RAPGEF2: variants seen among roughly 807,000 people sequenced by gnomAD.
The protein encoded by RAPGEF2 is PDZ domain containing guanine nucleotide exchange factor (GEF) 1.
In RAPGEF2, 54 loss-of-function variants were observed where a neutral mutation model predicts 186.7. The observed-to-expected ratio is 0.29, with a 90% CI of 0.23 to 0.36. RAPGEF2 has a LOEUF of 0.36. Among genes scored for constraint, RAPGEF2 ranks in the 10% least tolerant of loss-of-function variants. The pLI, the probability that RAPGEF2 is intolerant of heterozygous loss-of-function variation, is 1.00. For synonymous variants in RAPGEF2, 712 were observed against 705.9 expected, an observed-to-expected ratio of 1.01 and a Z score of -0.14; for missense variants, 1,532 against 2,045.0, an observed-to-expected ratio of 0.75 and a Z score of 4.84.
At chr4:159,225,794 G>A (rs1751974932) in intron 4 of RAPGEF2, among the ~76,000 whole-genome samples, 1 of 152,094 alleles carries the variant, frequency 6.6e-6, no homozygotes, top group Admixed American at 6.5e-5. Flanking sequence ...CAAAGTGTCA[G>A]TTCACCTCTT....
chr4:159,248,683 G>T (rs747518456), intron 7 of RAPGEF2, among the ~76,000 whole-genome samples: 3 of 152,148 alleles, frequency 2.0e-5, no homozygotes, highest in African/African-American at 7.2e-5. Flanking sequence ...AGGTATTTAC[G>T]TTGATTTAAT....
intron 7 of RAPGEF2, among the ~76,000 whole-genome samples, chr4:159,292,816 T>C (rs1761413759): frequency 6.6e-6 from 1 of 152,138 alleles, no homozygotes; most frequent in Non-Finnish European, 1.5e-5. Flanking sequence ...TCATAGAATA[T>C]TTGTGTCTTG....
chr4:159,355,913 C>T lies in RAPGEF2; in HGVS notation c.4712C>T (p.Pro1571Leu). The T allele has an allele frequency of 1.0e-6, 1 of 1,000,314 alleles. No homozygotes were observed. Among genetic ancestry groups the T allele is most frequent in the Non-Finnish European group, 1.4e-6 (1 of 705,456 alleles). 62.0% of individuals were successfully genotyped at this position (1,000,314 alleles called of 1,614,324 possible). A position where few individuals can be genotyped will look rare whatever the true frequency, so the allele number is the denominator to read the frequency against. Reference sequence around the variant, plus strand: ...ACCCCTCCCGGCTACATTGGAATTCCCATTACTGACTTTCCAGAAGGGCAC... The same window carrying T: ...ACCCCTCCCGGCTACATTGGAATTCTCATTACTGACTTTCCAGAAGGGCAC... ...PPTPPGYIGI[P>L]ITDFPEGHSH... is the part of the protein sequence containing the mutation. The change falls in exon 29 of 30, where the codon CCC becomes CTC. Residue 1571 changes from proline (P) to leucine (L), a missense_variant. By Grantham distance (98) the Pro-to-Leu change is moderately conservative. Transcript: ENST00000691494.
chr4:159,120,520 G>T (rs1469043138), intron 1 of RAPGEF2, among the ~76,000 whole-genome samples: 3 of 152,170 alleles, frequency 2.0e-5, no homozygotes, highest in African/African-American at 7.2e-5. Flanking sequence ...CTTAGGACAT[G>T]ATGTGTTACA....
Position 159,159,799 on chromosome 4 carries a change from C to T in RAPGEF2, c.70-26843C>T, listed in dbSNP as rs554670716. 1.7e-4 allele frequency among the ~76,000 whole-genome samples: 26 copies of T among 152,324 alleles called. No homozygotes were observed. The East Asian group carries it at 1.7e-3, about 10-fold the overall frequency. On this transcript the variant is annotated intron_variant, in intron 1 of 29. Coordinates refer to ENST00000691494, the MANE Select transcript of RAPGEF2 (RefSeq NM_001394067.2). ...AGTGTGAACAATAGTGTTCTCAACT[C>T]GTATAGCAGCATCCTATTTATAGAT...
At chr4:159,146,861 C>A (rs1743009976) in intron 1 of RAPGEF2, among the ~76,000 whole-genome samples, 1 of 152,182 alleles carries the variant, frequency 6.6e-6, no homozygotes, top group Non-Finnish European at 1.5e-5. Flanking sequence ...GAAGGAAAGA[C>A]CTCATACTGT....
intron 7 of RAPGEF2, among the ~76,000 whole-genome samples, chr4:159,278,601 C>G (rs1023538785): frequency 1.3e-5 from 2 of 152,176 alleles, no homozygotes; most frequent in African/African-American, 4.8e-5. Context: ...AAACTATAAT[C>G]TGGCCAGTTG....
intron 17 of RAPGEF2, among the ~76,000 whole-genome samples, chr4:159,333,313 C>T (rs1766959435): frequency 1.3e-5 from 2 of 152,110 alleles, no homozygotes; most frequent in South Asian, 4.1e-4. Context: ...GTGTTTGCCT[C>T]CTGTCTCCTC....
At chr4:159,116,876 GT>G (rs1190122854) in intron 1 of RAPGEF2, among the ~76,000 whole-genome samples, 4 of 152,130 alleles carry the variant, frequency 2.6e-5, no homozygotes, top group Non-Finnish European at 5.9e-5. Flanking sequence ...ACTGGGGCCT[GT>G]CAGTGTTGGG....
At chr4:159,209,035 C>T (rs1281867440) in intron 3 of RAPGEF2, among the ~76,000 whole-genome samples, 1 of 151,946 alleles carries the variant, frequency 6.6e-6, no homozygotes, top group Non-Finnish European at 1.5e-5. Flanking sequence ...GGATTATAGG[C>T]GTGAGCCACC....
At chr4:159,289,447 G>A (rs1206504368) in intron 7 of RAPGEF2, among the ~76,000 whole-genome samples, 1 of 152,028 alleles carries the variant, frequency 6.6e-6, no homozygotes, top group Non-Finnish European at 1.5e-5. Context: ...TTTTATTCTG[G>A]TGATCTTACC....
chr4:159,176,407 T>C (rs895726176), intron 1 of RAPGEF2, among the ~76,000 whole-genome samples: 1 of 152,160 alleles, frequency 6.6e-6, no homozygotes, highest in Admixed American at 6.5e-5. Flanking sequence ...AACTTTAATG[T>C]AGTTTGTGAA....
At position 159,341,329 on chromosome 4, in the gene RAPGEF2, T is replaced by C. The variant is rs146581212; in HGVS notation, c.2535-235T>C. ...AAGAAAGGATAGAAAGTGCAACTAG[T>C]GCGAGTGAAATTCCATGTGATTTGT... On this transcript the variant is annotated intron_variant, in intron 19 of 29. Transcript: ENST00000691494. 2.6e-3 allele frequency among the ~76,000 whole-genome samples: 399 copies of C among 152,310 alleles called. 2 individuals carry two copies. Among genetic ancestry groups the C allele is most frequent in the African/African-American group, 9.1e-3 (377 of 41,582 alleles).
intron 7 of RAPGEF2, among the ~76,000 whole-genome samples, chr4:159,304,096 C>T (rs149611342): frequency 6.6e-6 from 1 of 152,052 alleles, no homozygotes; most frequent in Non-Finnish European, 1.5e-5. Context: ...ATCTTAATAA[C>T]CAAACCCACC....
intron 7 of RAPGEF2, among the ~76,000 whole-genome samples, chr4:159,246,096 A>G (rs1579588773): frequency 6.6e-6 from 1 of 152,138 alleles, no homozygotes; most frequent in South Asian, 2.1e-4. Flanking sequence ...AAATGATGAA[A>G]ACTTATTGGT....
intron 7 of RAPGEF2, among the ~76,000 whole-genome samples, chr4:159,289,579 C>T (rs940583719): frequency 6.6e-6 from 1 of 152,094 alleles, no homozygotes; most frequent in African/African-American, 2.4e-5. Flanking sequence ...GGTAGGGTTA[C>T]CAGTTCAATG....
intron 1 of RAPGEF2, among the ~76,000 whole-genome samples, chr4:159,106,019 G>T (rs1417183022): frequency 6.6e-6 from 1 of 152,226 alleles, no homozygotes; most frequent in Non-Finnish European, 1.5e-5. Flanking sequence ...AACCTCCACT[G>T]TGACTGTGGG....
At position 159,342,086 on chromosome 4, in the gene RAPGEF2, C is replaced by T. The variant is rs377353378; in HGVS notation, c.2918+139C>T. 21 of 888,156 alleles carry T rather than the reference C, an allele frequency of 2.4e-5. No homozygotes were observed. The South Asian group carries it at 4.7e-4, about 20-fold the overall frequency. 55.0% of individuals were successfully genotyped at this position (888,156 alleles called of 1,614,324 possible). A position where few individuals can be genotyped will look rare whatever the true frequency, so the allele number is the denominator to read the frequency against. On this transcript the variant is annotated intron_variant, in intron 20 of 29. Coordinates refer to ENST00000691494, the MANE Select transcript of RAPGEF2 (RefSeq NM_001394067.2). Reference sequence around the variant, plus strand: ...AAGAGACAATTCTTTTTCTCTGAATCCTAACCTTAATCCTTAATTTAAAAT... The same window carrying T: ...AAGAGACAATTCTTTTTCTCTGAATTCTAACCTTAATCCTTAATTTAAAAT...
intron 1 of RAPGEF2, among the ~76,000 whole-genome samples, chr4:159,174,155 A>G (rs1746205721): frequency 6.6e-6 from 1 of 152,214 alleles, no homozygotes; most frequent in Non-Finnish European, 1.5e-5. Flanking sequence ...TCGTAACTTA[A>G]CAAGTGAAAC....
Sources: gnomAD v4.1 joint callset for allele counts (sites outside exome capture counted in the v4.1 genomes callset) on GRCh38, gnomAD v4.1.1 for gene constraint, MANE v1.5 for transcripts, NCBI Gene and HGNC (gene_info 2026-07-23, HGNC 2026-07-21) for gene names.